Variants in LIPA observed in about 807,000 individuals in gnomAD.
LIPA encodes lysosomal acid lipase/cholesteryl ester hydrolase.
Under a neutral mutation model 40.6 loss-of-function variants are expected in LIPA, and 26 were observed. The ratio of observed to expected loss-of-function variants is 0.64; its 90% CI spans 0.47 to 0.89. The LOEUF is 0.89. Among genes scored for constraint, LIPA ranks in the 40% least tolerant of loss-of-function variants. The pLI is 0.00. For missense variants in LIPA, 455 were observed against 479.6 expected, an observed-to-expected ratio of 0.95 and a Z score of 0.48; for synonymous variants, 188 against 168.4, an observed-to-expected ratio of 1.12 and a Z score of -0.90.
chr10:89,385,658 C>T (rs1564805094), intron 2 of LIPA, among the ~76,000 whole-genome samples: 1 of 152,198 alleles, frequency 6.6e-6, no homozygotes, highest in Non-Finnish European at 1.5e-5. Context: ...AGCATTCTAG[C>T]TGGAGTTCTA....
intron 3 of LIPA, among the ~76,000 whole-genome samples, chr10:89,239,028 T>C (rs911728647): frequency 1.3e-5 from 2 of 152,180 alleles, no homozygotes; most frequent in Non-Finnish European, 2.9e-5. Context: ...CCAGGTAATA[T>C]AATCATAGTA....
chr10:89,258,141 A>G (rs74946827), intron 1 of LIPA, among the ~76,000 whole-genome samples: 5,958 of 152,348 alleles, frequency 0.039, 145 homozygotes, highest in East Asian at 0.076. Context: ...ACTGGGAAGT[A>G]GACCCCCAAT....
At chr10:89,252,633 C>G (rs954904063), upstream of LIPA, among the ~76,000 whole-genome samples, 9 of 152,100 alleles carry the variant, frequency 5.9e-5, no homozygotes, top group Non-Finnish European at 1.2e-4. Flanking sequence ...CTTGGTGAAA[C>G]CCCATCTCTA....
chr10:89,264,058 C>T (rs1169486636), intron 1 of LIPA, among the ~76,000 whole-genome samples: 1 of 152,262 alleles, frequency 6.6e-6, no homozygotes, highest in Admixed American at 6.5e-5. Context: ...GAGGGTGGCA[C>T]AGCCCTGGCT....
At chr10:89,294,155 C>A (rs550545723) in intron 1 of LIPA, among the ~76,000 whole-genome samples, 1 of 152,342 alleles carries the variant, frequency 6.6e-6, no homozygotes, top group African/African-American at 2.4e-5. Context: ...TTAGCATGGT[C>A]TTATTTCTGA....
intron 2 of LIPA, among the ~76,000 whole-genome samples, chr10:89,409,561 G>A (rs1449692463): frequency 6.6e-6 from 1 of 152,220 alleles, no homozygotes; most frequent in Non-Finnish European, 1.5e-5. Context: ...AGGACTGAGG[G>A]TGCCTGGGGC....
At chr10:89,306,321 A>G (rs766461891) in intron 1 of LIPA, 2 of 1,614,098 alleles carry the variant, frequency 1.2e-6, no homozygotes, top group Non-Finnish European at 8.5e-7. Context: ...AAGGTGAAAC[A>G]TGTCTGTGAG....
upstream of LIPA, among the ~76,000 whole-genome samples, chr10:89,253,269 AT>A (rs1291677063): frequency 6.6e-6 from 1 of 152,228 alleles, no homozygotes; most frequent in East Asian, 1.9e-4. Context: ...AGACTGGGTA[AT>A]TTATGAAGGA....
At chr10:89,357,715 G>A (rs1589620714) in intron 2 of LIPA, among the ~76,000 whole-genome samples, 1 of 152,256 alleles carries the variant, frequency 6.6e-6, no homozygotes, top group South Asian at 2.1e-4. Flanking sequence ...AATCTATTCA[G>A]GCTAAGATGG....
intron 1 of LIPA, among the ~76,000 whole-genome samples, chr10:89,264,886 C>T (rs1380124644): frequency 6.6e-6 from 1 of 152,236 alleles, no homozygotes; most frequent in Non-Finnish European, 1.5e-5. Context: ...CTATCTGCTT[C>T]CTGCTGCCAT....
intron 8 of LIPA, among the ~76,000 whole-genome samples, chr10:89,217,386 C>G (rs1325755146): frequency 6.6e-6 from 1 of 152,184 alleles, no homozygotes; most frequent in African/African-American, 2.4e-5. Context: ...ATTTAACAAG[C>G]AAAACAAAAT....
At position 89,392,673 on chromosome 10, in the gene LIPA, A is replaced by C; in HGVS notation, c.61+20118T>G. ...GCCAGATCTCAGAGGAGCCTGGCTA[A>C]GCAAAACCCTGCAGAACGGCTGCCT... On this transcript the variant is annotated intron_variant, in intron 2 of 8. Transcript: ENST00000371837. 1.9e-6 allele frequency: 3 copies of C among 1,613,650 alleles called. 1 individual carries two copies. Among genetic ancestry groups the C allele is most frequent in the Non-Finnish European group, 2.5e-6 (3 of 1,179,530 alleles).
At chr10:89,370,465 A>T (rs1283757757) in intron 2 of LIPA, among the ~76,000 whole-genome samples, 2 of 151,730 alleles carry the variant, frequency 1.3e-5, no homozygotes, top group African/African-American at 4.8e-5. Flanking sequence ...AAACTCCCAG[A>T]CTCAAGTGAT....
chr10:89,223,033 A>AGGGTTTATATTTTATAAAATAAAAT (rs1842720488), intron 7 of LIPA, among the ~76,000 whole-genome samples: 2 of 152,206 alleles, frequency 1.3e-5, no homozygotes, highest in Non-Finnish European at 2.9e-5. Context: ...GTATTGGCCA[A>AGGGTTTATATTTTATAAAATAAAAT]GGGTTTATAT....
chr10:89,412,935 AATT>A, intron 1 of LIPA: 2 of 243,696 alleles, frequency 8.2e-6, no homozygotes, highest in Admixed American at 5.3e-5. Flanking sequence ...GGAAGGAACC[AATT>A]CCGGACACAC....
intron 2 of LIPA, among the ~76,000 whole-genome samples, chr10:89,399,323 G>T (rs1844388519): frequency 6.6e-6 from 1 of 151,964 alleles, no homozygotes; most frequent in East Asian, 1.9e-4. Context: ...TCTGTGATTT[G>T]TCTTATCACT....
intron 1 of LIPA, chr10:89,340,229 G>A (rs1249090298): frequency 7.9e-7 from 1 of 1,265,426 alleles, no homozygotes. Flanking sequence ...GCTGAGCAGG[G>A]AAGCTTTGCA....
intron 1 of LIPA, among the ~76,000 whole-genome samples, chr10:89,267,818 TGCC>T (rs1843245968): frequency 6.7e-6 from 1 of 150,248 alleles, no homozygotes; most frequent in Admixed American, 6.6e-5. Context: ...CTCCTGCAGG[TGCC>T]GCCTGTCAAC....
chr10:89,296,789 T>G (rs1372879760), intron 1 of LIPA, among the ~76,000 whole-genome samples: 1 of 152,184 alleles, frequency 6.6e-6, no homozygotes, highest in Non-Finnish European at 1.5e-5. Flanking sequence ...ATCTTTGAGG[T>G]ACTATTATTT....
Sources: allele counts gnomAD v4.1 joint callset (sites outside exome capture counted in the v4.1 genomes callset), GRCh38; gene constraint gnomAD v4.1.1; transcripts MANE v1.5; gene names NCBI Gene and HGNC (gene_info 2026-07-23, HGNC 2026-07-21).